Variants in BNC2 observed in about 807,000 individuals in gnomAD.
The protein encoded by BNC2 is basonuclin zinc finger protein 2.
A neutral mutation model predicts 76.3 loss-of-function variants in BNC2; 20 were observed. The observed-to-expected ratio is 0.26, with a 90% confidence interval of 0.18 to 0.38. BNC2 has a LOEUF of 0.38. BNC2 is among the 10% of genes least tolerant of loss of function. The probability of loss-of-function intolerance (pLI) is 1.00; values close to 1 mark genes in which losing one functional copy is unlikely to be tolerated. For synonymous variants in BNC2, 582 were observed against 514.8 expected (o/e 1.13, Z -1.77); for missense variants, 1,382 against 1,399.8 (o/e 0.99, Z 0.20).
At chr9:16,428,548 G>A (rs1474929206) in intron 6 of BNC2, among the ~76,000 whole-genome samples, 2 of 152,172 alleles carry the variant, frequency 1.3e-5, no homozygotes, top group Non-Finnish European at 2.9e-5. Flanking sequence ...TACATTACGT[G>A]GATGAATTTA....
At chr9:16,594,245 A>T (rs935765964) in intron 3 of BNC2, among the ~76,000 whole-genome samples, 1 of 152,170 alleles carries the variant, frequency 6.6e-6, no homozygotes, top group Non-Finnish European at 1.5e-5. Context: ...ATCGATTTGC[A>T]TGATTATCAC....
At chr9:16,468,993 A>C (rs1295099176) in intron 5 of BNC2, among the ~76,000 whole-genome samples, 2 of 152,216 alleles carry the variant, frequency 1.3e-5, no homozygotes. Context: ...TGCTGAATGA[A>C]TATATCTAGT....
chr9:16,527,027 A>T (rs1360240636), intron 5 of BNC2, among the ~76,000 whole-genome samples: 4 of 152,194 alleles, frequency 2.6e-5, no homozygotes, highest in Non-Finnish European at 4.4e-5. Flanking sequence ...GTAGGAATTA[A>T]TTTGGGGAAG....
intron 3 of BNC2, among the ~76,000 whole-genome samples, chr9:16,594,440 T>A (rs1007026135): frequency 3.3e-5 from 5 of 152,174 alleles, no homozygotes; most frequent in Admixed American, 6.5e-5. Flanking sequence ...CCACCTTATT[T>A]CAAATGCCAA....
At chr9:16,557,715 T>C (rs536414224) in intron 4 of BNC2, among the ~76,000 whole-genome samples, 26 of 152,206 alleles carry the variant, frequency 1.7e-4, no homozygotes, top group South Asian at 8.3e-4. Flanking sequence ...AAAGCCCTTT[T>C]CTCTATAGTG....
intron 5 of BNC2, among the ~76,000 whole-genome samples, chr9:16,547,791 G>A (rs981751919): frequency 5.9e-5 from 9 of 152,184 alleles, no homozygotes; most frequent in Non-Finnish European, 1.2e-4. Flanking sequence ...CTTCAAATGA[G>A]CTTGAAGGGA....
At chr9:16,725,251 G>A (rs866837898) in intron 3 of BNC2, among the ~76,000 whole-genome samples, 4 of 121,122 alleles carry the variant, frequency 3.3e-5, no homozygotes, top group Middle Eastern at 8.7e-3. Flanking sequence ...ACACACACAC[G>A]TGCTGAATCA....
At chr9:16,841,464 T>G (rs1477754426) in intron 1 of BNC2, among the ~76,000 whole-genome samples, 1 of 152,200 alleles carries the variant, frequency 6.6e-6, no homozygotes, top group African/African-American at 2.4e-5. Context: ...CTGTAACTAA[T>G]TATTCCTCAA....
intron 1 of BNC2, among the ~76,000 whole-genome samples, chr9:16,845,077 C>A (rs1361803101): frequency 6.6e-6 from 1 of 152,200 alleles, no homozygotes; most frequent in African/African-American, 2.4e-5. Context: ...TCACAGCGAA[C>A]TGATGAGTAG....
At chr9:16,421,361 G>T in intron 6 of BNC2, 1 of 1,085,840 alleles carries the variant, frequency 9.2e-7, no homozygotes, top group Non-Finnish European at 1.2e-6. Context: ...GAAAGAGAGA[G>T]AGAGAAAACA....
chr9:16,729,717 G>A (rs188007825), intron 2 of BNC2, among the ~76,000 whole-genome samples: 1 of 152,064 alleles, frequency 6.6e-6, no homozygotes, highest in Admixed American at 6.6e-5. Context: ...AATCCCCTAC[G>A]AGTCAATTGT....
At chr9:16,769,658 C>T (rs928518540) in intron 1 of BNC2, among the ~76,000 whole-genome samples, 4 of 152,148 alleles carry the variant, frequency 2.6e-5, no homozygotes, top group African/African-American at 7.2e-5. Flanking sequence ...CTAGTCACAC[C>T]GCTTCCTCAT....
intron 3 of BNC2, chr9:16,699,097 T>C (rs1823432409): frequency 4.6e-6 from 2 of 436,918 alleles, no homozygotes; most frequent in Non-Finnish European, 9.3e-6. Flanking sequence ...TGGGTAGTGA[T>C]TTTGTTGTTG....
At chr9:16,542,200 T>G (rs1388507018) in intron 5 of BNC2, among the ~76,000 whole-genome samples, 3 of 152,178 alleles carry the variant, frequency 2.0e-5, no homozygotes, top group East Asian at 3.9e-4. Flanking sequence ...CTTTGAAAAA[T>G]GCTTTTCTGG....
chr9:16,421,689 C>G lies in BNC2; in HGVS notation c.2640-2040G>C, dbSNP rs1820713146. ...CCTTGGTGTCAGATGGCAGATGACT[C>G]CAAGTGCAGGTTGCTAAGCAAAGTG... On this transcript the variant is annotated intron_variant, in intron 6 of 6. Transcript: ENST00000380672. 5.9e-5 allele frequency among the ~76,000 whole-genome samples: 9 copies of G among 152,140 alleles called. No individual in the cohort carries two copies. In the South Asian group the frequency reaches 1.9e-3, roughly 32 times the overall value.
intron 5 of BNC2, among the ~76,000 whole-genome samples, chr9:16,447,534 T>G (rs1270940654): frequency 6.6e-6 from 1 of 152,136 alleles, no homozygotes; most frequent in Non-Finnish European, 1.5e-5. Flanking sequence ...TATGCCTTTA[T>G]CTGAAAGTTC....
At chr9:16,489,982 CA>C (rs1225025370) in intron 5 of BNC2, among the ~76,000 whole-genome samples, 2 of 152,116 alleles carry the variant, frequency 1.3e-5, no homozygotes, top group African/African-American at 4.8e-5. Context: ...CTCCTTCCCT[CA>C]AAAAATTTTT....
intron 5 of BNC2, among the ~76,000 whole-genome samples, chr9:16,539,682 G>A (rs1811975095): frequency 9.1e-6 from 1 of 109,836 alleles, no homozygotes; most frequent in African/African-American, 4.7e-5. Context: ...GAGGGAGGAA[G>A]GAAGGAAGGG....
chr9:16,659,413 T>G lies in BNC2; in HGVS notation c.330+68384A>C, dbSNP rs146325215. ...TCAGGAGGTCAGGAGATTGAGACCA[T>G]CCTGGCCAACATGGTGAAACCCCAT... On this transcript the variant is annotated intron_variant, in intron 3 of 6. Coordinates refer to ENST00000380672, the MANE Select transcript of BNC2 (RefSeq NM_017637.6). 5.7e-3 allele frequency among the ~76,000 whole-genome samples: 865 copies of G among 151,874 alleles called. 8 individuals carry two copies. The highest frequency in any genetic ancestry group is 8.9e-3 in the Non-Finnish European group (607 of 67,928).
Sources: allele counts gnomAD v4.1 joint callset (sites outside exome capture counted in the v4.1 genomes callset), GRCh38; gene constraint gnomAD v4.1.1; transcripts MANE v1.5; gene names NCBI Gene and HGNC (gene_info 2026-07-23, HGNC 2026-07-21).